Variants in ANO4 observed in about 807,000 individuals in gnomAD.
ANO4 encodes anoctamin 4.
A neutral mutation model predicts 141.9 loss-of-function variants in ANO4; 69 were observed. The ratio of observed to expected loss-of-function variants is 0.49; its 90% CI spans 0.40 to 0.59. The LOEUF (loss-of-function observed/expected upper bound fraction) is 0.59, where lower values mean the gene tolerates loss of function less well. ANO4 is among the 20% of genes least tolerant of loss of function. The pLI, the probability that ANO4 is intolerant of heterozygous loss-of-function variation, is 0.00. For synonymous variants in ANO4, 350 were observed against 394.3 expected (o/e 0.89, Z 1.33); for missense variants, 894 against 1,162.2 (o/e 0.77, Z 3.36).
chr12:101,029,693 C>T (rs887232779), intron 9 of ANO4, among the ~76,000 whole-genome samples: 1 of 151,850 alleles, frequency 6.6e-6, no homozygotes, highest in African/African-American at 2.4e-5. Context: ...GGGTGGATCA[C>T]GAGGTCAGGA....
chr12:100,891,120 G>A (rs1048146050), intron 1 of ANO4, among the ~76,000 whole-genome samples: 1 of 152,116 alleles, frequency 6.6e-6, no homozygotes, highest in African/African-American at 2.4e-5. Flanking sequence ...GGACAGTTAA[G>A]GTTCCCACAT....
intron 1 of ANO4, among the ~76,000 whole-genome samples, chr12:100,826,189 A>T (rs2036327513): frequency 6.6e-6 from 1 of 152,060 alleles, no homozygotes; most frequent in South Asian, 2.1e-4. Context: ...AGAGTGAAAA[A>T]TTGAAATATG....
intron 1 of ANO4, among the ~76,000 whole-genome samples, chr12:100,884,712 T>C (rs11110576): frequency 0.023 from 3,534 of 152,272 alleles, 129 homozygotes; most frequent in African/African-American, 0.08. Flanking sequence ...CTTTGTTTTT[T>C]GGGATGGAAT....
chr12:101,008,312 G>A (rs2045950221), intron 8 of ANO4, among the ~76,000 whole-genome samples: 2 of 152,034 alleles, frequency 1.3e-5, no homozygotes, highest in African/African-American at 4.8e-5. Context: ...CCAAGAAGCA[G>A]CCCCTTTCAA....
chr12:101,084,353 C>G (rs999355319), intron 16 of ANO4, among the ~76,000 whole-genome samples: 2 of 152,124 alleles, frequency 1.3e-5, no homozygotes, highest in African/African-American at 2.4e-5. Context: ...TCCTGACTCA[C>G]TAATGATCAT....
chr12:100,719,586 A>AT (rs5800418), intron 1 of ANO4, among the ~76,000 whole-genome samples: 10,579 of 152,206 alleles, frequency 0.07, 539 homozygotes, highest in East Asian at 0.28. Flanking sequence ...ATAGGGTTCA[A>AT]TTTTTGTGTT....
intron 1 of ANO4, among the ~76,000 whole-genome samples, chr12:100,866,437 G>A (rs1186059164): frequency 6.6e-6 from 1 of 152,122 alleles, no homozygotes; most frequent in African/African-American, 2.4e-5. Context: ...CCAAACCTTC[G>A]TTCTGCAGAA....
chr12:101,096,747 T>C (rs1445836211), intron 19 of ANO4, 100 bp downstream of exon 19: 15 of 887,602 alleles, frequency 1.7e-5, no homozygotes, highest in Non-Finnish European at 2.3e-5. Context: ...GGGTGATTTA[T>C]ACAAAGTGTA....
intron 22 of ANO4, among the ~76,000 whole-genome samples, chr12:101,105,490 A>G (rs1419461154): frequency 3.3e-5 from 5 of 152,256 alleles, no homozygotes; most frequent in African/African-American, 1.2e-4. Flanking sequence ...AAAGAAAATC[A>G]GATGGTTGGT....
intron 14 of ANO4, among the ~76,000 whole-genome samples, chr12:101,058,902 G>A (rs1170263935): frequency 6.6e-6 from 1 of 152,146 alleles, no homozygotes; most frequent in Non-Finnish European, 1.5e-5. Context: ...ATACTGTGTT[G>A]AATAGGAGTG....
chr12:101,000,216 G>A (rs911081229), intron 8 of ANO4, among the ~76,000 whole-genome samples: 2 of 152,164 alleles, frequency 1.3e-5, no homozygotes, highest in Non-Finnish European at 2.9e-5. Context: ...AAAGTTTGAG[G>A]TGACAGAGAC....
At chr12:100,929,085 C>A (rs540417172) in intron 3 of ANO4, among the ~76,000 whole-genome samples, 1 of 152,112 alleles carries the variant, frequency 6.6e-6, no homozygotes, top group African/African-American at 2.4e-5. Flanking sequence ...AATGGGGTAT[C>A]CACCACCTCA....
chr12:101,089,387 T>G (rs2049652633), intron 17 of ANO4, among the ~76,000 whole-genome samples: 1 of 152,090 alleles, frequency 6.6e-6, no homozygotes, highest in Admixed American at 6.6e-5. Flanking sequence ...TGCTGATCAT[T>G]TTGACGTGAT....
intron 1 of ANO4, among the ~76,000 whole-genome samples, chr12:100,881,160 G>A (rs1201592570): frequency 6.6e-6 from 1 of 151,802 alleles, no homozygotes; most frequent in Admixed American, 6.6e-5. Flanking sequence ...GGGAGGGATA[G>A]CATTAGGAGA....
intron 1 of ANO4, among the ~76,000 whole-genome samples, chr12:100,843,901 A>G (rs765197736): frequency 6.6e-5 from 10 of 152,188 alleles, no homozygotes; most frequent in Non-Finnish European, 1.5e-4. Flanking sequence ...TTCTCTTCCG[A>G]TAGAAGCTGA....
chr12:101,126,423 A>G (rs1268452506), intron 26 of ANO4, among the ~76,000 whole-genome samples: 1 of 152,188 alleles, frequency 6.6e-6, no homozygotes, highest in Non-Finnish European at 1.5e-5. Context: ...AATTCTTATA[A>G]CCAAGATTTG....
chr12:101,123,308 G>T (rs1468659679), intron 26 of ANO4, among the ~76,000 whole-genome samples: 1 of 152,156 alleles, frequency 6.6e-6, no homozygotes, highest in Admixed American at 6.5e-5. Context: ...CTTGTTGTTT[G>T]TTTGGGATTT....
intron 1 of ANO4, among the ~76,000 whole-genome samples, chr12:100,815,722 T>A (rs115765912): frequency 0.031 from 4,639 of 151,846 alleles, 248 homozygotes; most frequent in African/African-American, 0.11. Context: ...ATAAATAATA[T>A]TTTTTATTTA....
intron 2 of ANO4, among the ~76,000 whole-genome samples, chr12:100,918,756 T>A (rs372277667): frequency 2.0e-5 from 3 of 152,206 alleles, no homozygotes; most frequent in East Asian, 3.8e-4. Context: ...TGTTACTGGC[T>A]TATATACTCT....
Sources: allele counts gnomAD v4.1 joint callset (sites outside exome capture counted in the v4.1 genomes callset), GRCh38; gene constraint gnomAD v4.1.1; transcripts MANE v1.5; gene names NCBI Gene and HGNC (gene_info 2026-07-23, HGNC 2026-07-21).